Variants in KCNA2 observed in about 807,000 individuals in gnomAD.
The protein encoded by KCNA2 is potassium voltage-gated channel subfamily A member 2.
Under a neutral mutation model 33.4 loss-of-function variants are expected in KCNA2, and 11 were observed. The observed-to-expected ratio is 0.33, with a 90% CI of 0.21 to 0.55. The LOEUF (loss-of-function observed/expected upper bound fraction) is 0.55, where lower values mean the gene tolerates loss of function less well. Ranked by LOEUF, KCNA2 falls within the 20% of genes least tolerant of loss-of-function variation. The probability of loss-of-function intolerance (pLI) is 0.93; values close to 1 mark genes in which losing one functional copy is unlikely to be tolerated. For synonymous variants in KCNA2, 222 were observed against 231.3 expected (o/e 0.96, Z 0.37); for missense variants, 291 against 621.6 (o/e 0.47, Z 5.66).
chr1:110,620,033 T>TGA (rs1291849544), intron 1 of KCNA2, among the ~76,000 whole-genome samples: 43 of 103,130 alleles, frequency 4.2e-4, no homozygotes, highest in Admixed American at 1.4e-3. Context: ...AGCAGCTTAA[T>TGA]GAGAGAGAGA....
chr1:110,596,775 G>A lies in KCNA2; in HGVS notation c.*6508C>T. The stretch of plus-strand genomic sequence containing the variant: ...AATAACCAAAATTGCAAAGCAATCA[G>A]GATGTTCCTGTCCCTGAGGTTTCCC... On this transcript the variant is annotated 3_prime_UTR_variant, in exon 3 of 3. Coordinates refer to ENST00000316361, the MANE Select transcript of KCNA2 (RefSeq NM_004974.4). 1.0e-6 allele frequency: 1 copy of A among 985,402 alleles called. No homozygotes were observed. The highest frequency in any genetic ancestry group is 1.2e-6 in the Non-Finnish European group (1 of 829,920). The allele number at this position is 985,402 out of a possible 1,614,324, so 61.0% of individuals were successfully genotyped here.
intron 1 of KCNA2, among the ~76,000 whole-genome samples, chr1:110,617,330 T>TG (rs1650098547): frequency 6.6e-6 from 1 of 152,082 alleles, no homozygotes; most frequent in South Asian, 2.1e-4. Context: ...CTGCGCCAGA[T>TG]GGAGTGCCAG....
intron 1 of KCNA2, among the ~76,000 whole-genome samples, chr1:110,631,022 G>A (rs188314237): frequency 2.6e-5 from 4 of 152,270 alleles, no homozygotes; most frequent in South Asian, 4.1e-4. Context: ...GGCCTTGGTC[G>A]GCTGTTTGGG....
upstream of KCNA2, chr1:110,607,490 G>C (rs1342317612): frequency 1.3e-5 from 2 of 152,488 alleles, no homozygotes; most frequent in African/African-American, 4.8e-5. Context: ...GCCGGGGCCG[G>C]GGCGACAAGC....
In KCNA2 at chr1:110,594,505, A is replaced by G. The variant is rs985198923; in HGVS notation, c.*8778T>C. The G allele has an allele frequency of 1.0e-6, 1 of 985,338 alleles. No homozygotes were observed. The highest frequency in any genetic ancestry group is 1.2e-6 in the Non-Finnish European group (1 of 829,934). The allele number at this position is 985,338 out of a possible 1,614,324, so 61.0% of individuals were successfully genotyped here. A position where few individuals can be genotyped will look rare whatever the true frequency, so the allele number is the denominator to read the frequency against. Reference sequence around the variant, plus strand: ...TTGATTGCTGGCACCATTAATCGCAACTGTTCCAAGATTATCCTTAGTGGA... The same window carrying G: ...TTGATTGCTGGCACCATTAATCGCAGCTGTTCCAAGATTATCCTTAGTGGA... On this transcript the variant is annotated 3_prime_UTR_variant, in exon 3 of 3. Transcript: ENST00000316361.
At chr1:110,629,491 T>C (rs1348093184) in intron 1 of KCNA2, among the ~76,000 whole-genome samples, 1 of 152,258 alleles carries the variant, frequency 6.6e-6, no homozygotes. Flanking sequence ...GTCCAGATGC[T>C]GTTAACGTTT....
Position 110,597,649 on chromosome 1 carries a change from T to G in KCNA2, c.*5634A>C. 3.0e-6 allele frequency: 3 copies of G among 985,334 alleles called. No homozygotes were observed. Among genetic ancestry groups the G allele is most frequent in the Non-Finnish European group, 3.6e-6 (3 of 829,916 alleles). 61.0% of individuals were successfully genotyped at this position (985,334 alleles called of 1,614,324 possible). On this transcript the variant is annotated 3_prime_UTR_variant, in exon 3 of 3. Coordinates refer to ENST00000316361, the MANE Select transcript of KCNA2 (RefSeq NM_004974.4). Reference sequence around the variant, plus strand: ...AGAGGACAGGAGTCATGTGAACACGTGGGAAGAAGAAGAAACTACAGAGAC... The same window carrying G: ...AGAGGACAGGAGTCATGTGAACACGGGGGAAGAAGAAGAAACTACAGAGAC...
At chr1:110,620,053 C>CGAGAGAGAGAGAGAGAGAGAGA (rs3050013) in intron 1 of KCNA2, among the ~76,000 whole-genome samples, 2 of 126,832 alleles carry the variant, frequency 1.6e-5, no homozygotes, top group Non-Finnish European at 1.6e-5. Flanking sequence ...AGAGCGAGAG[C>CGAGAGAGAGAGAGAGAGAGAGA]GAGAGAGAGA....
At position 110,597,914 on chromosome 1, in the gene KCNA2, A is replaced by G. The variant is rs1373560286; in HGVS notation, c.*5369T>C. On this transcript the variant is annotated 3_prime_UTR_variant, in exon 3 of 3. Coordinates refer to ENST00000316361, the MANE Select transcript of KCNA2 (RefSeq NM_004974.4). Reference sequence around the variant, plus strand: ...AGTAAACTAGGTTAGTTTGAGGAAGAGAACCTTCCTGCATGTAGGGGAGCC... The same window carrying G: ...AGTAAACTAGGTTAGTTTGAGGAAGGGAACCTTCCTGCATGTAGGGGAGCC... 26 of 985,298 alleles carry G rather than the reference A, an allele frequency of 2.6e-5. No homozygotes were observed. Among genetic ancestry groups the G allele is most frequent in the Non-Finnish European group, 3.1e-5 (26 of 829,936 alleles). The allele number at this position is 985,298 out of a possible 1,614,324, so 61.0% of individuals were successfully genotyped here.
chr1:110,600,717 G>A lies in KCNA2; in HGVS notation c.*2566C>T. ...TTTACCTTCTATTTTCCAAAGATCT[G>A]TGTCCCTCCCACCCCATGCCTTGGA... On this transcript the variant is annotated 3_prime_UTR_variant, in exon 3 of 3. Coordinates refer to ENST00000316361, the MANE Select transcript of KCNA2 (RefSeq NM_004974.4). 1 of 985,430 alleles carries A rather than the reference G, an allele frequency of 1.0e-6. No homozygotes were observed. Among genetic ancestry groups the A allele is most frequent in the Non-Finnish European group, 1.2e-6 (1 of 829,948 alleles). The allele number at this position is 985,430 out of a possible 1,614,324, so 61.0% of individuals were successfully genotyped here.
At chr1:110,612,145 G>A (rs1479293457) in intron 1 of KCNA2, among the ~76,000 whole-genome samples, 1 of 152,162 alleles carries the variant, frequency 6.6e-6, no homozygotes, top group African/African-American at 2.4e-5. Context: ...TTACCATGAG[G>A]CCCCCTGCTG....
chr1:110,601,518 A>T lies in KCNA2; in HGVS notation c.*1765T>A. The T allele has an allele frequency of 2.0e-6, 2 of 986,350 alleles. No individual in the cohort carries two copies. The highest frequency in any genetic ancestry group is 2.4e-6 in the Non-Finnish European group (2 of 830,592). The allele number at this position is 986,350 out of a possible 1,614,324, so 61.1% of individuals were successfully genotyped here. A position where few individuals can be genotyped will look rare whatever the true frequency, so the allele number is the denominator to read the frequency against. ...GCCCGGGGTGGGTCTGGCCCAGGAC[A>T]GCTGGAACTGTGAGGGCCACAGGGC... On this transcript the variant is annotated 3_prime_UTR_variant, in exon 3 of 3. Coordinates refer to ENST00000316361, the MANE Select transcript of KCNA2 (RefSeq NM_004974.4).
rs746116575 is a variant in KCNA2, at chr1:110,627,671, A to G, written c.-496+3724T>C. 3.5e-4 allele frequency among the ~76,000 whole-genome samples: 53 copies of G among 152,162 alleles called. 1 individual carries two copies. The highest frequency in any genetic ancestry group is 1.2e-4 in the Non-Finnish European group (8 of 68,030). On this transcript the variant is annotated intron_variant, in intron 1 of 4. Coordinates refer to the KCNA2 transcript ENST00000369770. ...AGAAAGTGGGTAAGAAAGGAAAACA[A>G]AAAGGAAGAAGGAATCTAAAATAAA... is the stretch of plus-strand genomic sequence containing the variant.
chr1:110,618,077 C>T (rs1375854525), intron 1 of KCNA2, among the ~76,000 whole-genome samples: 1 of 152,204 alleles, frequency 6.6e-6, no homozygotes, highest in Non-Finnish European at 1.5e-5. Context: ...TGCGGCGGCT[C>T]ATGCCTGTAA....
rs142937654 is a variant in KCNA2 at position 110,596,574 on chromosome 1, G to C, written c.*6709C>G. On this transcript the variant is annotated 3_prime_UTR_variant, in exon 3 of 3. Coordinates refer to ENST00000316361, the MANE Select transcript of KCNA2 (RefSeq NM_004974.4). ...TGTCTCTTTGGTCTTCTCTACCTAT[G>C]TCCACTACTGTACAATAAGCATTGA... is the stretch of plus-strand genomic sequence containing the variant. 3.9e-6 allele frequency: 1 copy of C among 255,152 alleles called. No homozygotes were observed. Among genetic ancestry groups the C allele is most frequent in the Admixed American group, 6.5e-5 (1 of 15,386 alleles). 15.8% of individuals were successfully genotyped at this position (255,152 alleles called of 1,614,324 possible). A position where few individuals can be genotyped will look rare whatever the true frequency, so the allele number is the denominator to read the frequency against.
chr1:110,602,200 G>C lies in KCNA2; in HGVS notation c.*1083C>G, dbSNP rs975660917. The C allele has an allele frequency of 6.5e-7, 1 of 1,549,012 alleles. No individual in the cohort carries two copies. The highest frequency in any genetic ancestry group is 1.4e-5 in the African/African-American group (1 of 73,092). On this transcript the variant is annotated 3_prime_UTR_variant, in exon 3 of 3. Coordinates refer to ENST00000316361, the MANE Select transcript of KCNA2 (RefSeq NM_004974.4). Reference sequence around the variant, plus strand: ...TTAGAAGAACAGGGATAGGTAGGCTGGGGGGCCAGAAGTTTTAGTTCCATT... The same window carrying C: ...TTAGAAGAACAGGGATAGGTAGGCTCGGGGGCCAGAAGTTTTAGTTCCATT...
chr1:110,625,976 G>A (rs1408713599), intron 1 of KCNA2, among the ~76,000 whole-genome samples: 1 of 152,168 alleles, frequency 6.6e-6, no homozygotes, highest in Non-Finnish European at 1.5e-5. Context: ...TGAAGAAACA[G>A]GCCCTCTCAT....
At chr1:110,623,230 G>C (rs1176780501) in intron 1 of KCNA2, among the ~76,000 whole-genome samples, 1 of 152,124 alleles carries the variant, frequency 6.6e-6, no homozygotes, top group Non-Finnish European at 1.5e-5. Context: ...AACAAATGGC[G>C]CTCGAACAAC....
At position 110,600,821 on chromosome 1, in the gene KCNA2, C is replaced by G; in HGVS notation, c.*2462G>C. 1 of 985,418 alleles carries G rather than the reference C, an allele frequency of 1.0e-6. No homozygotes were observed. Among genetic ancestry groups the G allele is most frequent in the Non-Finnish European group, 1.2e-6 (1 of 829,930 alleles). The allele number at this position is 985,418 out of a possible 1,614,324, so 61.0% of individuals were successfully genotyped here. ...CTGGGCATGGGATGCCCTGCAGATA[C>G]CTGGGGATGTGGGTGACCAGGCACT... On this transcript the variant is annotated 3_prime_UTR_variant, in exon 3 of 3. Transcript: ENST00000316361.
Sources: allele counts gnomAD v4.1 joint callset (sites outside exome capture counted in the v4.1 genomes callset), GRCh38; gene constraint gnomAD v4.1.1; transcripts MANE v1.5; gene names NCBI Gene and HGNC (gene_info 2026-07-23, HGNC 2026-07-21).